ATRNL1: variants seen among roughly 807,000 people sequenced by gnomAD.
ATRNL1 encodes the protein attractin-like protein 1.
A neutral mutation model predicts 182.7 loss-of-function variants in ATRNL1; 95 were observed. The observed-to-expected ratio is 0.52, with a 90% CI of 0.44 to 0.62. The LOEUF (loss-of-function observed/expected upper bound fraction) is 0.62. Among genes scored for constraint, ATRNL1 ranks in the 20% least tolerant of loss-of-function variants. The pLI, the probability that ATRNL1 is intolerant of heterozygous loss-of-function variation, is 0.00. For synonymous variants in ATRNL1, 576 were observed against 568.3 expected, an observed-to-expected ratio of 1.01 and a Z score of -0.19; for missense variants, 1,471 against 1,679.5, an observed-to-expected ratio of 0.88 and a Z score of 2.17.
chr10:115,460,655 A>AT (rs1847750859), intron 21 of ATRNL1, among the ~76,000 whole-genome samples: 3 of 151,672 alleles, frequency 2.0e-5, no homozygotes, highest in South Asian at 2.1e-4. Context: ...TGCCTGGAAT[A>AT]TTTTTTTCTG....
intron 28 of ATRNL1, among the ~76,000 whole-genome samples, chr10:115,899,057 A>ATTT (rs781785345): frequency 1.3e-5 from 2 of 151,304 alleles, no homozygotes; most frequent in Non-Finnish European, 2.9e-5. Context: ...TGCTGCACCC[A>ATTT]TTAACTCGTC....
At chr10:115,460,195 C>T (rs1847725600) in intron 21 of ATRNL1, among the ~76,000 whole-genome samples, 1 of 152,078 alleles carries the variant, frequency 6.6e-6, no homozygotes, top group Non-Finnish European at 1.5e-5. Context: ...CAATTTCCTG[C>T]CTTCCTGGCT....
chr10:115,247,949 C>T (rs1486844835), intron 10 of ATRNL1, among the ~76,000 whole-genome samples: 3 of 152,126 alleles, frequency 2.0e-5, no homozygotes, highest in East Asian at 1.9e-4. Context: ...TGTTTTCACT[C>T]ATATGTGGAA....
At chr10:115,151,407 C>T (rs372441617) in intron 5 of ATRNL1, among the ~76,000 whole-genome samples, 7 of 152,212 alleles carry the variant, frequency 4.6e-5, no homozygotes, top group East Asian at 1.9e-4. Flanking sequence ...TTTTAATGAT[C>T]GCCATTCTAA....
chr10:115,175,667 A>C (rs1462659531), intron 8 of ATRNL1, among the ~76,000 whole-genome samples: 1 of 152,108 alleles, frequency 6.6e-6, no homozygotes, highest in East Asian at 1.9e-4. Context: ...TGAATTATTG[A>C]AGTACAAAGC....
At chr10:115,371,379 C>G (rs527482892) in intron 19 of ATRNL1, among the ~76,000 whole-genome samples, 4 of 152,222 alleles carry the variant, frequency 2.6e-5, no homozygotes, top group Admixed American at 6.5e-5. Flanking sequence ...TCAATGCTGG[C>G]CTGTGAAAGC....
chr10:115,888,014 A>G (rs1951991523), intron 28 of ATRNL1, among the ~76,000 whole-genome samples: 1 of 152,258 alleles, frequency 6.6e-6, no homozygotes, highest in African/African-American at 2.4e-5. Context: ...AGCTTGCTTA[A>G]AACGTCCAAA....
chr10:115,358,630 ATTAT>A (rs1200946389), intron 19 of ATRNL1, among the ~76,000 whole-genome samples: 1 of 151,616 alleles, frequency 6.6e-6, no homozygotes, highest in Non-Finnish European at 1.5e-5. Context: ...TATTTTAGTT[ATTAT>A]TTATTATACC....
intron 8 of ATRNL1, among the ~76,000 whole-genome samples, chr10:115,174,580 G>A (rs938178408): frequency 7.9e-5 from 12 of 151,772 alleles, no homozygotes; most frequent in Admixed American, 4.6e-4. Context: ...TCAGCAAAAG[G>A]CATCTATAAA....
chr10:115,180,173 A>AT (rs1315497990), intron 8 of ATRNL1, among the ~76,000 whole-genome samples: 1 of 151,920 alleles, frequency 6.6e-6, no homozygotes, highest in Non-Finnish European at 1.5e-5. Context: ...AATCATGTTA[A>AT]TTTAAAAAAA....
Position 115,549,547 on chromosome 10 carries a change from T to A in ATRNL1, c.3795+11T>A. 8 of 1,558,256 alleles carry A rather than the reference T, an allele frequency of 5.1e-6. No homozygotes were observed. Among genetic ancestry groups the A allele is most frequent in the Non-Finnish European group, 7.0e-6 (8 of 1,146,412 alleles). ...TCTCGACGGAGAGAGGTATCAGTAA[T>A]ATTATTTAATCTTTTGTTTAAAGAT... On this transcript the variant is annotated intron_variant, in intron 26 of 28. Coordinates refer to ENST00000355044, the MANE Select transcript of ATRNL1 (RefSeq NM_207303.4).
chr10:115,097,977 T>C (rs1554863587), intron 1 of ATRNL1, among the ~76,000 whole-genome samples: 1 of 152,168 alleles, frequency 6.6e-6, no homozygotes, highest in Non-Finnish European at 1.5e-5. Flanking sequence ...TATATATGCA[T>C]ATGTAAATAC....
chr10:115,238,426 T>G (rs1401346285), intron 9 of ATRNL1, among the ~76,000 whole-genome samples: 1 of 152,196 alleles, frequency 6.6e-6, no homozygotes, highest in African/African-American at 2.4e-5. Flanking sequence ...GTTTCTTTTA[T>G]TGTTTGTAGT....
At chr10:115,810,635 T>C (rs1555086781) in intron 27 of ATRNL1, among the ~76,000 whole-genome samples, 7 of 151,952 alleles carry the variant, frequency 4.6e-5, no homozygotes, top group Non-Finnish European at 1.5e-5. Context: ...CAAGTGTTTA[T>C]ACATGTGAAT....
chr10:115,523,793 A>T (rs1311627479), intron 25 of ATRNL1, among the ~76,000 whole-genome samples: 4 of 152,108 alleles, frequency 2.6e-5, no homozygotes, highest in Non-Finnish European at 4.4e-5. Flanking sequence ...TCATTTTTCT[A>T]TCTTATGAGC....
At chr10:115,301,219 G>A (rs752926199) in intron 16 of ATRNL1, among the ~76,000 whole-genome samples, 23 of 152,072 alleles carry the variant, frequency 1.5e-4, no homozygotes, top group Non-Finnish European at 2.8e-4. Flanking sequence ...ATGAATAACT[G>A]TTCAGCTTCT....
chr10:115,230,918 AG>A (rs1554899847), intron 9 of ATRNL1, among the ~76,000 whole-genome samples: 1 of 140,550 alleles, frequency 7.1e-6, no homozygotes, highest in East Asian at 2.2e-4. Flanking sequence ...AGAGAGAGAG[AG>A]AGAAAGAGAG....
intron 26 of ATRNL1, among the ~76,000 whole-genome samples, chr10:115,630,702 A>G (rs1221270547): frequency 1.4e-5 from 2 of 147,918 alleles, no homozygotes; most frequent in South Asian, 2.1e-4. Context: ...TGTATATTAT[A>G]TCCATATTGA....
rs1852862415 is a variant in ATRNL1 at position 115,290,742 on chromosome 10, G to C, written c.2415+4345G>C. On this transcript the variant is annotated intron_variant, in intron 15 of 28. Coordinates refer to ENST00000355044, the MANE Select transcript of ATRNL1 (RefSeq NM_207303.4). ...CTCCTGCAGAGAGAGAGGGGCTCTG[G>C]AGTGGGTCTTCTAGTTCTGTGGTGA... Among the ~76,000 whole-genome samples the C allele has an allele frequency of 2.0e-5, 3 of 152,160 alleles. No individual in the cohort carries two copies. In the South Asian group the frequency reaches 6.2e-4, roughly 32 times the overall value.
Sources: gnomAD v4.1 joint callset for allele counts (sites outside exome capture counted in the v4.1 genomes callset) on GRCh38, gnomAD v4.1.1 for gene constraint, MANE v1.5 for transcripts, NCBI Gene and HGNC (gene_info 2026-07-23, HGNC 2026-07-21) for gene names.